SSC5D: variants seen among roughly 807,000 people sequenced by gnomAD.
SSC5D encodes the protein soluble scavenger receptor cysteine-rich domain-containing protein SSC5D.
SSC5D carries 106 observed loss-of-function variants against 104.6 expected under a neutral mutation model. The ratio of observed to expected loss-of-function variants is 1.01; its 90% CI spans 0.87 to 1.19. SSC5D has a LOEUF of 1.19. Ranked by LOEUF, SSC5D falls within the 50% of genes most tolerant of loss-of-function variation. The pLI is 0.00. For missense variants in SSC5D, 1,993 were observed against 2,153.8 expected, an observed-to-expected ratio of 0.93 and a Z score of 1.48; for synonymous variants, 860 against 883.5, an observed-to-expected ratio of 0.97 and a Z score of 0.47.
Position 55,501,172 on chromosome 19 carries a change from C to A in SSC5D, c.2756C>A (p.Ser919Tyr). ...WRTTRRPGSS[S>Y]PAIRRLPDTG... ...ACCACCCGGCGCCCGGGTAGCTCCT[C>A]CCCAGCAATAAGGCGCCTGCCGGAC... Residue 919 changes from serine to tyrosine, a missense_variant, in exon 12 of 14, where the codon TCC becomes TAC. This residue lies in a region of SSC5D where 423 missense variants were observed against 409.2 expected (regional missense o/e 1.03). Transcript: ENST00000389623. 6.5e-7 allele frequency: 1 copy of A among 1,542,632 alleles called. No individual in the cohort carries two copies. The highest frequency in any genetic ancestry group is 8.7e-7 in the Non-Finnish European group (1 of 1,143,314).
At chr19:55,506,956 C>T (rs1325576883) in intron 12 of SSC5D, among the ~76,000 whole-genome samples, 2 of 151,498 alleles carry the variant, frequency 1.3e-5, no homozygotes, top group African/African-American at 4.9e-5. Flanking sequence ...CGCTTGAACC[C>T]AGGAGTTCAA....
chr19:55,499,345 G>T (rs1555765643), intron 9 of SSC5D, among the ~76,000 whole-genome samples: 1 of 152,120 alleles, frequency 6.6e-6, no homozygotes, highest in Non-Finnish European at 1.5e-5. Flanking sequence ...TGGAAGCTAC[G>T]GCTCTTCCCT....
intron 12 of SSC5D, among the ~76,000 whole-genome samples, chr19:55,508,720 G>A (rs1165641028): frequency 2.3e-5 from 2 of 85,162 alleles, no homozygotes; most frequent in Non-Finnish European, 4.9e-5. Context: ...ATACAGCAGG[G>A]ATGGCCTCAT....
intron 13 of SSC5D, among the ~76,000 whole-genome samples, chr19:55,513,395 C>T (rs1201053252): frequency 6.6e-6 from 1 of 152,112 alleles, no homozygotes; most frequent in East Asian, 1.9e-4. Context: ...TTGAGAGCAG[C>T]CTGGGCAACA....
At chr19:55,504,234 G>A (rs1229662617) in intron 12 of SSC5D, 1 of 1,527,602 alleles carries the variant, frequency 6.5e-7, no homozygotes, top group East Asian at 2.5e-5. Flanking sequence ...CGGGCACAGC[G>A]GCTGCGGAGA....
Position 55,503,370 on chromosome 19 carries a change from C to T in SSC5D, c.2785+2169C>T, listed in dbSNP as rs1008758711. Reference sequence around the variant, plus strand: ...CTCTCATCGTCTCCATTTCTCACTGCGTTCTCTCCCCAGGCCCAGCGCTGT... The same window carrying T: ...CTCTCATCGTCTCCATTTCTCACTGTGTTCTCTCCCCAGGCCCAGCGCTGT... On this transcript the variant is annotated intron_variant, in intron 12 of 13. Coordinates refer to ENST00000389623, the MANE Select transcript of SSC5D (RefSeq NM_001144950.2). The surrounding 1 kb of genome is among the most constrained non-coding windows in gnomAD (Gnocchi z 4.0). 2.0e-5 allele frequency among the ~76,000 whole-genome samples: 3 copies of T among 152,172 alleles called. No individual in the cohort carries two copies. The highest frequency in any genetic ancestry group is 1.9e-4 in the East Asian group (1 of 5,194).
At position 55,489,765 on chromosome 19, in the gene SSC5D, G is replaced by A. The variant is rs550618977; in HGVS notation, c.361+103G>A. On this transcript the variant is annotated intron_variant, in intron 3 of 13. Transcript: ENST00000389623. The stretch of plus-strand genomic sequence containing the variant: ...AAGTCTGAGTGTTCAGCAGTTCAGA[G>A]ACACCCAACCTCCCATCCCCTCCAA... 9.4e-6 allele frequency: 14 copies of A among 1,492,584 alleles called. No individual in the cohort carries two copies. In the East Asian group the frequency reaches 3.5e-4, roughly 37 times the overall value. The allele number at this position is 1,492,584 out of a possible 1,614,324, so 92.5% of individuals were successfully genotyped here.
chr19:55,499,026 G>A (rs1163625173), intron 9 of SSC5D, among the ~76,000 whole-genome samples: 1 of 152,206 alleles, frequency 6.6e-6, no homozygotes, highest in African/African-American at 2.4e-5. Context: ...ACACACATGA[G>A]GAACTGCCAA....
At chr19:55,510,491 G>A (rs1371523296) in intron 12 of SSC5D, among the ~76,000 whole-genome samples, 1 of 152,112 alleles carries the variant, frequency 6.6e-6, no homozygotes, top group East Asian at 1.9e-4. Context: ...TGGGATTACA[G>A]GCATGTTCCA....
chr19:55,514,598 TAAA>T (rs34453728), intron 13 of SSC5D, among the ~76,000 whole-genome samples: 2 of 124,014 alleles, frequency 1.6e-5, no homozygotes, highest in African/African-American at 3.0e-5. Context: ...AAGACTCTGT[TAAA>T]AAAAAAAAAA....
At position 55,514,465 on chromosome 19, in the gene SSC5D, G is replaced by A. The variant is rs978717972; in HGVS notation, c.2947+1293G>A. 4.2e-5 allele frequency among the ~76,000 whole-genome samples: 6 copies of A among 142,526 alleles called. 1 individual carries two copies. Among genetic ancestry groups the A allele is most frequent in the African/African-American group, 1.6e-4 (6 of 38,280 alleles). 93.5% of individuals were successfully genotyped at this position (142,526 alleles called of 152,430 possible). ...AATAATAATAATAATAATAGGTGTGGTGGCAGGCGCCTGTAATCCCAGCTA... is the reference window on the plus strand; with the variant it reads ...AATAATAATAATAATAATAGGTGTGATGGCAGGCGCCTGTAATCCCAGCTA... On this transcript the variant is annotated intron_variant, in intron 13 of 13. Transcript: ENST00000389623.
At position 55,499,991 on chromosome 19, in the gene SSC5D, T is replaced by TA; in HGVS notation, c.1882dup (p.Thr628AsnfsTer2). On this transcript the variant is annotated frameshift_variant, in exon 10 of 14. Transcript: ENST00000389623. LOFTEE classifies it high-confidence loss of function. ...AGGCCCCAGGGAAAATGCCTAAGAGTACTAAGAAGTGGGTGACAAAAAATG... is the reference window on the plus strand; with the variant it reads ...AGGCCCCAGGGAAAATGCCTAAGAGTAACTAAGAAGTGGGTGACAAAAAATG... The TA allele has an allele frequency of 6.4e-7, 1 of 1,550,844 alleles. No homozygotes were observed. The highest frequency in any genetic ancestry group is 1.2e-5 in the South Asian group (1 of 83,980).
intron 8 of SSC5D, among the ~76,000 whole-genome samples, chr19:55,495,923 T>TG (rs1491170828): frequency 1.7e-5 from 2 of 120,678 alleles, no homozygotes; most frequent in African/African-American, 5.8e-5. Context: ...TTTTTTTTTT[T>TG]GTAGAGACAG....
intron 12 of SSC5D, among the ~76,000 whole-genome samples, chr19:55,508,208 C>G (rs1359953486): frequency 6.6e-6 from 1 of 152,104 alleles, no homozygotes; most frequent in Non-Finnish European, 1.5e-5. Context: ...CACAGATAGA[C>G]AGCTGTGTCT....
chr19:55,515,679 G>C (rs4801326), intron 13 of SSC5D, among the ~76,000 whole-genome samples: 20,182 of 150,032 alleles, frequency 0.13, 1,955 homozygotes, highest in African/African-American at 0.26. Context: ...TGGCAGTGAG[G>C]CGAGATCGTG....
intron 1 of SSC5D, 132 bp downstream of exon 1, chr19:55,488,746 T>C: frequency 1.2e-6 from 1 of 827,694 alleles, no homozygotes; most frequent in East Asian, 2.7e-5. Flanking sequence ...ACATCCCTTC[T>C]GAGGATCCCT....
chr19:55,507,679 A>AAAAAAAAAAG (rs1568482687), intron 12 of SSC5D, among the ~76,000 whole-genome samples: 1 of 151,066 alleles, frequency 6.6e-6, no homozygotes, highest in Admixed American at 6.6e-5. Context: ...AAAAAAAAAA[A>AAAAAAAAAAG]AAAAAAAAAG....
chr19:55,512,421 T>C (rs1464737754), intron 12 of SSC5D, among the ~76,000 whole-genome samples: 3 of 148,662 alleles, frequency 2.0e-5, no homozygotes, highest in African/African-American at 7.4e-5. Context: ...AGTGAATTAA[T>C]AAAGATGTTA....
intron 12 of SSC5D, 77 bp from the exon 13 acceptor site, chr19:55,512,934 G>A (rs887176758): frequency 6.5e-6 from 10 of 1,527,990 alleles, no homozygotes; most frequent in African/African-American, 4.1e-5. Flanking sequence ...ACTGGGGCTG[G>A]CCCAGGAGGA....
Sources: gnomAD v4.1 joint callset for allele counts (sites outside exome capture counted in the v4.1 genomes callset) on GRCh38, gnomAD v4.1.1 for gene constraint, gnomAD v4.1.1 regional missense constraint, Gnocchi (gnomAD v3.1) non-coding constraint, MANE v1.5 for transcripts, NCBI Gene and HGNC (gene_info 2026-07-23, HGNC 2026-07-21) for gene names.